Variants in PCDHA8 observed in about 807,000 individuals in gnomAD.
The protein encoded by PCDHA8 is protocadherin alpha-8.
Under a neutral mutation model 61.8 loss-of-function variants are expected in PCDHA8, and 53 were observed. The ratio of observed to expected loss-of-function variants is 0.86; its 90% CI spans 0.69 to 1.08. PCDHA8 has a LOEUF of 1.08. Ranked by LOEUF, PCDHA8 falls within the 50% of genes least tolerant of loss-of-function variation. PCDHA8 has a pLI of 0.00. For missense variants in PCDHA8, 1,293 were observed against 1,245.0 expected (o/e 1.04, Z -0.58); for synonymous variants, 618 against 556.6 (o/e 1.11, Z -1.55).
intron 1 of PCDHA8, chr5:140,877,603 C>G: frequency 6.2e-7 from 1 of 1,613,858 alleles, no homozygotes; most frequent in Non-Finnish European, 8.5e-7. Flanking sequence ...GTCCAGCCTG[C>G]TGGTGCTCAC....
At chr5:140,982,097 C>A (rs1313290841) in intron 2 of PCDHA8, among the ~76,000 whole-genome samples, 1 of 152,194 alleles carries the variant, frequency 6.6e-6, no homozygotes, top group Non-Finnish European at 1.5e-5. Flanking sequence ...AACAAGAGAA[C>A]CTGCAAGAGA....
intron 1 of PCDHA8, among the ~76,000 whole-genome samples, chr5:140,906,526 CAATT>C (rs1554192570): frequency 6.6e-6 from 1 of 152,190 alleles, no homozygotes; most frequent in Non-Finnish European, 1.5e-5. Context: ...ATACTCACGA[CAATT>C]AAAATCCTCA....
At chr5:141,002,503 A>G (rs924059580) in intron 3 of PCDHA8, among the ~76,000 whole-genome samples, 1 of 152,226 alleles carries the variant, frequency 6.6e-6, no homozygotes, top group African/African-American at 2.4e-5. Flanking sequence ...ACAGCTCAGG[A>G]TCTGAGTCTC....
intron 1 of PCDHA8, among the ~76,000 whole-genome samples, chr5:140,878,324 A>C (rs1298317950): frequency 4.6e-5 from 7 of 152,210 alleles, no homozygotes; most frequent in Admixed American, 1.3e-4. Context: ...TTTTCACATT[A>C]TATTCCAGGT....
intron 3 of PCDHA8, among the ~76,000 whole-genome samples, chr5:141,008,339 C>T (rs782805145): frequency 1.1e-4 from 16 of 152,176 alleles, no homozygotes; most frequent in Non-Finnish European, 1.5e-4. Context: ...TTTGATGGAG[C>T]TTTTCACGTG....
intron 1 of PCDHA8, chr5:140,883,898 C>A (rs781898009): frequency 6.2e-7 from 1 of 1,613,344 alleles, no homozygotes; most frequent in South Asian, 1.1e-5. Flanking sequence ...TGGCGTGCCG[C>A]CTCTGGGCAG....
chr5:140,967,185 A>G, intron 1 of PCDHA8: 1 of 1,613,242 alleles, frequency 6.2e-7, no homozygotes, highest in Non-Finnish European at 8.5e-7. Context: ...GAAATATTGG[A>G]CATCAACGAC....
intron 1 of PCDHA8, chr5:140,858,397 CG>C (rs1314612729): frequency 2.5e-6 from 4 of 1,573,068 alleles, no homozygotes; most frequent in African/African-American, 2.7e-5. Context: ...TAGATGTGGA[CG>C]GGGAAGATCA....
Position 140,843,621 on chromosome 5 carries a change from C to T in PCDHA8, c.2300C>T (p.Thr767Met), listed in dbSNP as rs2150363692. The change falls in exon 1 of 4, where the codon ACG (threonine) becomes ATG (methionine). Residue 767 changes from threonine (T) to methionine (M), a missense_variant. Transcript: ENST00000531613. ...TGCTCTGGTGAGGGGCCACCGAAGA[C>T]GGACCTCATGGCCTTCAGCCCCTGC... ...RVCSGEGPPK[T>M]DLMAFSPCLP... The T allele has an allele frequency of 1.0e-5, 16 of 1,596,050 alleles. 1 individual carries two copies. The South Asian group carries it at 1.8e-4, about 18-fold the overall frequency.
intron 1 of PCDHA8, chr5:140,847,666 C>T (rs1419197833): frequency 6.7e-6 from 1 of 149,608 alleles, no homozygotes; most frequent in African/African-American, 2.4e-5. Flanking sequence ...GATTATAAAG[C>T]TTGGAAAGAA....
At position 140,997,696 on chromosome 5, in the gene PCDHA8, GTA is replaced by G. The variant is rs1328869274; in HGVS notation, c.2543-11929_2543-11928del. On this transcript the variant is annotated intron_variant, in intron 3 of 3. Transcript: ENST00000531613. ...TGTGTGTGTGTGTGTGTGTGTGTGT[GTA>G]TGTTAACAAACACCTTTCTACGTCA... Among the ~76,000 whole-genome samples, 208 of 148,602 alleles carry G rather than the reference GTA, an allele frequency of 1.4e-3. 1 individual carries two copies. Among genetic ancestry groups the G allele is most frequent in the African/African-American group, 4.8e-3 (197 of 40,710 alleles).
chr5:140,968,719 G>C lies in PCDHA8; in HGVS notation c.2395-10230G>C. The C allele has an allele frequency of 1.9e-6, 3 of 1,614,148 alleles. No homozygotes were observed. Among genetic ancestry groups the C allele is most frequent in the African/African-American group, 1.3e-5 (1 of 75,038 alleles). ...GGACTACCAGGAAGATGGGAGATGA[G>C]AGTGGTAGCACTTTCAACCTGACCG... On this transcript the variant is annotated intron_variant, in intron 1 of 3. Transcript: ENST00000531613.
chr5:140,993,368 T>A (rs1354951477), intron 3 of PCDHA8, among the ~76,000 whole-genome samples: 2 of 151,944 alleles, frequency 1.3e-5, no homozygotes, highest in Middle Eastern at 6.8e-3. Flanking sequence ...AAAAACTACC[T>A]CCCAGCCGGG....
At chr5:140,882,346 G>T (rs146510190) in intron 1 of PCDHA8, 36 of 1,614,194 alleles carry the variant, frequency 2.2e-5, no homozygotes, top group Non-Finnish European at 2.9e-5. Flanking sequence ...CCTGGGAGAC[G>T]GGTAGTGGCC....
In PCDHA8 at chr5:140,842,613, G is replaced by C. The variant is rs782736515; in HGVS notation, c.1292G>C (p.Gly431Ala). 1.9e-6 allele frequency: 3 copies of C among 1,595,698 alleles called. No homozygotes were observed. Among genetic ancestry groups the C allele is most frequent in the Non-Finnish European group, 2.6e-6 (3 of 1,165,656 alleles). Residue 431 changes from glycine to alanine, a missense_variant, in exon 1 of 4, where the codon GGC (glycine) becomes GCC (alanine). Coordinates refer to ENST00000531613, the MANE Select transcript of PCDHA8 (RefSeq NM_018911.3). ...TTGGTGGTAACCGCGCGGGACGGGG[G>C]CTCGCCTTCGCTGTGGGCCACCGCC... ...YELVVTARDG[G>A]SPSLWATASL... is the part of the protein sequence containing the mutation.
At chr5:140,936,762 G>A (rs190223178) in intron 1 of PCDHA8, among the ~76,000 whole-genome samples, 224 of 152,210 alleles carry the variant, frequency 1.5e-3, no homozygotes, top group Non-Finnish European at 2.6e-3. Context: ...ATATCTAATT[G>A]TGTAAGTTCT....
chr5:140,850,795 CCGA>C, intron 1 of PCDHA8: 1 of 1,598,426 alleles, frequency 6.3e-7, no homozygotes, highest in Non-Finnish European at 8.6e-7. Flanking sequence ...AAGCAGAAGA[CCGA>C]CCTCATGGCC....
At position 140,980,488 on chromosome 5, in the gene PCDHA8, G is replaced by A. The variant is rs372283383; in HGVS notation, c.2453+1481G>A. Among the ~76,000 whole-genome samples, 12 of 152,250 alleles carry A rather than the reference G, an allele frequency of 7.9e-5. No individual in the cohort carries two copies. The East Asian group carries it at 1.9e-3, about 25-fold the overall frequency. Reference sequence around the variant, plus strand: ...CTACTAAAAATACAAAAATTAGCTGGGCGTGATGGCATGTGCCTGTAGTTC... The same window carrying A: ...CTACTAAAAATACAAAAATTAGCTGAGCGTGATGGCATGTGCCTGTAGTTC... On this transcript the variant is annotated intron_variant, in intron 2 of 3. Transcript: ENST00000531613.
At chr5:140,912,897 G>GT (rs1364534308) in intron 1 of PCDHA8, among the ~76,000 whole-genome samples, 12 of 152,290 alleles carry the variant, frequency 7.9e-5, no homozygotes, top group Admixed American at 3.3e-4. Context: ...TTGATATGAT[G>GT]TATCATATTG....
Sources: gnomAD v4.1 joint callset for allele counts (sites outside exome capture counted in the v4.1 genomes callset) on GRCh38, gnomAD v4.1.1 for gene constraint, MANE v1.5 for transcripts, NCBI Gene and HGNC (gene_info 2026-07-23, HGNC 2026-07-21) for gene names.